Variants in DCHS2 observed in about 807,000 individuals in gnomAD.
The protein encoded by DCHS2 is dachsous cadherin-related 2, also known as protocadherin-23.
DCHS2 carries 142 observed loss-of-function variants against 182.4 expected under a neutral mutation model. The observed-to-expected ratio is 0.78, with a 90% CI of 0.68 to 0.89. The LOEUF is 0.89. DCHS2 is among the 40% of genes least tolerant of loss of function. The pLI, the probability that DCHS2 is intolerant of heterozygous loss-of-function variation, is 0.00. For missense variants in DCHS2, 4,319 were observed against 4,198.6 expected (o/e 1.03, Z -0.79); for synonymous variants, 1,740 against 1,663.3 (o/e 1.05, Z -1.12).
chr4:154,300,202 G>A (rs1273053783), intron 12 of DCHS2, among the ~76,000 whole-genome samples: 5 of 152,022 alleles, frequency 3.3e-5, no homozygotes, highest in African/African-American at 9.7e-5. Flanking sequence ...TGGCAGTAGC[G>A]GTAGAGGAAA....
intron 10 of DCHS2, among the ~76,000 whole-genome samples, chr4:154,309,588 C>T (rs969266344): frequency 2.0e-5 from 3 of 152,108 alleles, no homozygotes; most frequent in Non-Finnish European, 4.4e-5. Flanking sequence ...TCATCCAACA[C>T]CTGTTTGTAG....
At position 154,489,610 on chromosome 4, in the gene DCHS2, T is replaced by C. The variant is rs1050272550; in HGVS notation, c.1746A>G (p.Gln582=). ...DHAWLRYTVV[Q]LSAPCNLGSL... ...AGCCGAGATTGCAGGGAGCCGAGAG[T>C]TGGACTACAGTGTAGCGCAGCCAGG... Residue 582 remains glutamine, a synonymous_variant, in exon 1 of 20, where the codon CAA becomes CAG. Coordinates refer to ENST00000357232, the MANE Select transcript of DCHS2 (RefSeq NM_001358235.2). The C allele has an allele frequency of 2.8e-5, 43 of 1,549,986 alleles. No individual in the cohort carries two copies. The highest frequency in any genetic ancestry group is 3.8e-5 in the Non-Finnish European group (43 of 1,145,886).
chr4:154,391,901 A>G (rs1402803944), intron 1 of DCHS2, among the ~76,000 whole-genome samples: 1 of 152,210 alleles, frequency 6.6e-6, no homozygotes, highest in African/African-American at 2.4e-5. Flanking sequence ...GCAGAGTTAC[A>G]TAAATGTTAG....
chr4:154,237,221 G>A (rs1731574850), intron 19 of DCHS2, 62 bp from the exon 20 acceptor site: 12 of 1,512,822 alleles, frequency 7.9e-6, no homozygotes, highest in Admixed American at 4.2e-5. Context: ...CCATTTAATC[G>A]GCAGTTGACT....
chr4:154,477,232 G>A (rs1014973319), intron 1 of DCHS2, among the ~76,000 whole-genome samples: 7 of 152,176 alleles, frequency 4.6e-5, no homozygotes, highest in Middle Eastern at 3.4e-3. Flanking sequence ...CTCACGTGGC[G>A]GAAAGAGATT....
Position 154,333,345 on chromosome 4 carries a change from C to G in DCHS2, c.2863G>C (p.Gly955Arg), listed in dbSNP as rs368845741. The G allele has an allele frequency of 9.9e-6, 16 of 1,614,144 alleles. No homozygotes were observed. In the Middle Eastern group the frequency reaches 4.9e-4, roughly 50 times the overall value. The change falls in exon 5 of 20, where the codon GGC becomes CGC. Residue 955 changes from glycine (G) to arginine (R), a missense_variant. Physicochemically the swap from Gly to Arg is moderately radical, Grantham distance 125 (BLOSUM62 -2). Transcript: ENST00000357232. ...VVVLTVQAQL[G>R]SAPACSSTEV... ...GTGCTGCTGCAGGCTGGGGCGCTGC[C>G]GAGCTGCGCCTGCACCGTGAGCACA... is the stretch of plus-strand genomic sequence containing the variant.
chr4:154,244,442 G>A (rs1731981292), intron 16 of DCHS2, among the ~76,000 whole-genome samples: 1 of 152,150 alleles, frequency 6.6e-6, no homozygotes, highest in Admixed American at 6.6e-5. Flanking sequence ...CTAGGAGGGT[G>A]GCTGAGTAAT....
rs770720107 is a variant in DCHS2, at chr4:154,332,557, G to A, written c.3651C>T (p.Asp1217=). 15 of 1,614,136 alleles carry A rather than the reference G, an allele frequency of 9.3e-6. No homozygotes were observed. The highest frequency in any genetic ancestry group is 1.3e-5 in the Non-Finnish European group (15 of 1,180,006). ...GCTGTCCATTCTTTCCAGAGTCCAT[G>A]TCAATAGCTGTAATTTTGCCTATTA... ...QGVIGKITAI[D]MDSGKNGQLL... Residue 1217 remains aspartate, a synonymous_variant, in exon 5 of 20, where the codon GAC becomes GAT. Transcript: ENST00000357232.
rs1448695572 is a variant in DCHS2 at position 154,304,760 on chromosome 4, A to G, written c.5514T>C (p.Val1838=). 7 of 1,614,086 alleles carry G rather than the reference A, an allele frequency of 4.3e-6. No individual in the cohort carries two copies. Among genetic ancestry groups the G allele is most frequent in the South Asian group, 2.2e-5 (2 of 91,082 alleles). ...EFIVSSYDIE[V]LENQEPEVVY... is the part of the protein sequence containing the mutation. Reference sequence around the variant, plus strand: ...CAACCTCTGGTTCCTGGTTTTCCAGAACCTCAATGTCATAACTGGAAACAA... The same window carrying G: ...CAACCTCTGGTTCCTGGTTTTCCAGGACCTCAATGTCATAACTGGAAACAA... Residue 1838 remains valine (V), a synonymous_variant, in exon 12 of 20, where the codon GTT becomes GTC. Coordinates refer to ENST00000357232, the MANE Select transcript of DCHS2 (RefSeq NM_001358235.2).
At chr4:154,407,345 C>A (rs1000582450) in intron 1 of DCHS2, among the ~76,000 whole-genome samples, 2 of 152,170 alleles carry the variant, frequency 1.3e-5, no homozygotes, top group Non-Finnish European at 2.9e-5. Context: ...ATGTTCTCCT[C>A]CTTTTTTATA....
At chr4:154,384,816 GC>G (rs1409347066) in intron 1 of DCHS2, among the ~76,000 whole-genome samples, 3 of 152,082 alleles carry the variant, frequency 2.0e-5, no homozygotes, top group Non-Finnish European at 4.4e-5. Flanking sequence ...TGACCCCAGA[GC>G]CCCCAGAAGG....
chr4:154,287,813 T>G (rs1448107064), intron 13 of DCHS2, among the ~76,000 whole-genome samples: 2 of 152,146 alleles, frequency 1.3e-5, no homozygotes, highest in Non-Finnish European at 2.9e-5. Flanking sequence ...TTTCTCTTTG[T>G]TTGGTTGATT....
At chr4:154,291,794 G>A (rs114425135) in intron 13 of DCHS2, among the ~76,000 whole-genome samples, 2,544 of 152,036 alleles carry the variant, frequency 0.017, 70 homozygotes, top group African/African-American at 0.058. Context: ...GTTACCAGAA[G>A]CTGGGAAGGG....
At chr4:154,269,516 A>G (rs1442199454) in intron 14 of DCHS2, 3 of 170,144 alleles carry the variant, frequency 1.8e-5, no homozygotes, top group African/African-American at 7.2e-5. Context: ...ATTCAGTAGC[A>G]AATTACAAGA....
Position 154,298,303 on chromosome 4 carries a change from G to A in DCHS2, c.6011C>T (p.Thr2004Ile), listed in dbSNP as rs1561022565. The A allele has an allele frequency of 1.2e-6, 2 of 1,614,192 alleles. No homozygotes were observed. The highest frequency in any genetic ancestry group is 1.7e-6 in the Non-Finnish European group (2 of 1,180,018). The change falls in exon 13 of 20, where the codon ACA (threonine) becomes ATA (isoleucine). Residue 2004 changes from threonine (T) to isoleucine (I), a missense_variant. Transcript: ENST00000357232. ...ACAGTCTCTGGCCACAGCACTAAAT[G>A]TATGCTGAGATCTGGCTTCACGGTC... ...TLDREARSQHTFSAVARDCSI... is the reference protein window; with the variant it reads ...TLDREARSQHIFSAVARDCSI...
At chr4:154,459,770 CT>C in intron 1 of DCHS2, among the ~76,000 whole-genome samples, 1 of 124,454 alleles carries the variant, frequency 8.0e-6, no homozygotes, top group Non-Finnish European at 1.8e-5. Context: ...CTCTCTCTCT[CT>C]CTCTCTCTCT....
chr4:154,428,805 A>G (rs1733438721), intron 1 of DCHS2, among the ~76,000 whole-genome samples: 1 of 152,128 alleles, frequency 6.6e-6, no homozygotes, highest in Non-Finnish European at 1.5e-5. Context: ...CAAGAGGCTG[A>G]GGCAGGAGAA....
rs750583570 is a variant in DCHS2 at position 154,255,649 on chromosome 4, T to C, written c.6811A>G (p.Ser2271Gly). 6.2e-7 allele frequency: 1 copy of C among 1,613,004 alleles called. No homozygotes were observed. The highest frequency in any genetic ancestry group is 1.1e-5 in the South Asian group (1 of 90,716). Reference protein sequence around the residue: ...VIQVFATDLDSGLNGLIEYSI... With the variant: ...VIQVFATDLDGGLNGLIEYSI... ...TACTCAATCAGGCCGTTCAAACCAC[T>C]GTCCAAGTCGGTAGCAAAAACCTGT... Residue 2271 changes from serine (S) to glycine (G), a missense_variant, in exon 16 of 20, where the codon AGT (serine) becomes GGT (glycine). Coordinates refer to ENST00000357232, the MANE Select transcript of DCHS2 (RefSeq NM_001358235.2).
rs1358794246 is a variant in DCHS2 at position 154,236,011 on chromosome 4, T to G, written c.8641A>C (p.Thr2881Pro). ...AGGGTGAAAAAATACTGATCTTGAGTGAAAATGGGCTCAAATTCATCTATC... is the reference window on the plus strand; with the variant it reads ...AGGGTGAAAAAATACTGATCTTGAGGGAAAATGGGCTCAAATTCATCTATC... ...EGIDEFEPIF[T>P]QDQYFFTLPE... is the part of the protein sequence containing the mutation. Residue 2881 changes from threonine to proline, a missense_variant, in exon 20 of 20, where the codon ACT becomes CCT. Transcript: ENST00000357232. The G allele has an allele frequency of 6.2e-7, 1 of 1,613,946 alleles. No individual in the cohort carries two copies. Among genetic ancestry groups the G allele is most frequent in the Admixed American group, 1.7e-5 (1 of 60,010 alleles).
Sources: gnomAD v4.1 joint callset for allele counts (sites outside exome capture counted in the v4.1 genomes callset) on GRCh38, gnomAD v4.1.1 for gene constraint, MANE v1.5 for transcripts, NCBI Gene and HGNC (gene_info 2026-07-23, HGNC 2026-07-21) for gene names.